Variants in OPCML observed in about 807,000 individuals in gnomAD.
OPCML encodes the protein opioid-binding protein/cell adhesion molecule.
OPCML carries 13 observed loss-of-function variants against 37.8 expected under a neutral mutation model. The observed-to-expected ratio is 0.34, with a 90% CI of 0.22 to 0.55. OPCML has a LOEUF of 0.55. Among genes scored for constraint, OPCML ranks in the 20% least tolerant of loss-of-function variants. The pLI is 0.91. For missense variants in OPCML, 341 were observed against 435.6 expected (o/e 0.78, Z 1.93); for synonymous variants, 176 against 168.8 (o/e 1.04, Z -0.33).
intron 1 of OPCML, among the ~76,000 whole-genome samples, chr11:133,267,093 A>G (rs1941684988): frequency 1.3e-5 from 2 of 152,304 alleles, no homozygotes; most frequent in Admixed American, 6.5e-5. Context: ...GCTGTTTAGT[A>G]TAACAGGAAG....
At chr11:132,945,730 A>C (rs1471562597) in intron 1 of OPCML, among the ~76,000 whole-genome samples, 3 of 150,612 alleles carry the variant, frequency 2.0e-5, no homozygotes, top group Admixed American at 2.0e-4. Context: ...CACGTTGTAC[A>C]GTTGTACAAA....
chr11:133,465,315 CT>C (rs770450628), intron 1 of OPCML, among the ~76,000 whole-genome samples: 5 of 152,156 alleles, frequency 3.3e-5, no homozygotes, highest in Non-Finnish European at 5.9e-5. Context: ...CCCAAGCGAT[CT>C]AGAGTAATCT....
At chr11:133,354,314 A>AGTG (rs1266771698) in intron 1 of OPCML, among the ~76,000 whole-genome samples, 1 of 8,554 alleles carries the variant, frequency 1.2e-4, no homozygotes, top group Non-Finnish European at 2.7e-4. Context: ...ACGTGTTGGT[A>AGTG]GTGGTGGTGG....
intron 1 of OPCML, among the ~76,000 whole-genome samples, chr11:133,464,492 T>C (rs924777056): frequency 2.6e-5 from 4 of 152,142 alleles, no homozygotes; most frequent in African/African-American, 9.7e-5. Flanking sequence ...CCTCATTGGA[T>C]GTGGAAGGCT....
chr11:133,119,937 G>A (rs866896945), intron 1 of OPCML, among the ~76,000 whole-genome samples: 6 of 152,110 alleles, frequency 3.9e-5, no homozygotes, highest in Admixed American at 1.3e-4. Context: ...GCAGATGCAG[G>A]CTCTTCCTGC....
intron 3 of OPCML, among the ~76,000 whole-genome samples, chr11:132,551,189 T>C (rs1040731031): frequency 1.3e-5 from 2 of 152,194 alleles, no homozygotes; most frequent in Admixed American, 6.5e-5. Flanking sequence ...AGAAGCTGTC[T>C]GTGCCCCGAT....
chr11:133,207,187 C>A (rs1939110059), intron 1 of OPCML, among the ~76,000 whole-genome samples: 1 of 151,056 alleles, frequency 6.6e-6, no homozygotes, highest in Middle Eastern at 3.5e-3. Flanking sequence ...GTTGTCCCAG[C>A]TACTCGGGAG....
At chr11:132,812,691 T>C (rs1353060839) in intron 2 of OPCML, among the ~76,000 whole-genome samples, 1 of 152,250 alleles carries the variant, frequency 6.6e-6, no homozygotes, top group East Asian at 1.9e-4. Flanking sequence ...TTGCCTGCTC[T>C]TTGGAACTAC....
intron 1 of OPCML, among the ~76,000 whole-genome samples, chr11:133,239,379 C>A (rs1403716287): frequency 6.6e-6 from 1 of 152,232 alleles, no homozygotes; most frequent in Admixed American, 6.5e-5. Flanking sequence ...TGGACCCCTA[C>A]CATTTTCTGT....
At chr11:132,839,686 C>G (rs1382951321) in intron 2 of OPCML, among the ~76,000 whole-genome samples, 3 of 152,182 alleles carry the variant, frequency 2.0e-5, no homozygotes, top group African/African-American at 7.2e-5. Context: ...CTTCCCTCCT[C>G]CCTCTCACTC....
intron 1 of OPCML, among the ~76,000 whole-genome samples, chr11:133,480,332 T>C (rs1947347516): frequency 6.6e-6 from 1 of 152,214 alleles, no homozygotes; most frequent in Non-Finnish European, 1.5e-5. Flanking sequence ...TTGCCTGCCT[T>C]GTCCTTGTTC....
At chr11:132,999,642 G>A (rs150832899) in intron 1 of OPCML, among the ~76,000 whole-genome samples, 2 of 152,060 alleles carry the variant, frequency 1.3e-5, no homozygotes, top group African/African-American at 2.4e-5. Context: ...GTAGCTCTGC[G>A]TGCTGCCACG....
At chr11:132,598,973 C>A (rs1044939451) in intron 3 of OPCML, among the ~76,000 whole-genome samples, 3 of 152,156 alleles carry the variant, frequency 2.0e-5, no homozygotes, top group Non-Finnish European at 4.4e-5. Flanking sequence ...CACTATTCAG[C>A]AGACAGAAAA....
At chr11:133,431,535 A>G (rs938556508) in intron 1 of OPCML, among the ~76,000 whole-genome samples, 1 of 152,028 alleles carries the variant, frequency 6.6e-6, no homozygotes, top group African/African-American at 2.4e-5. Context: ...GCGTGATCTC[A>G]GCTCACCGCA....
At chr11:132,991,801 C>T (rs1392804149) in intron 1 of OPCML, among the ~76,000 whole-genome samples, 1 of 152,130 alleles carries the variant, frequency 6.6e-6, no homozygotes, top group Non-Finnish European at 1.5e-5. Context: ...CCTGTTTTCC[C>T]TGCAGTTTAC....
chr11:133,207,119 T>TAAAAAAAAAAAA (rs71038525), intron 1 of OPCML, among the ~76,000 whole-genome samples: 1 of 99,686 alleles, frequency 1.0e-5, no homozygotes, highest in South Asian at 3.5e-4. Flanking sequence ...AACCCTCTAC[T>TAAAAAAAAAAAA]AAAAAAAAAA....
chr11:133,204,872 A>G (rs974224636), intron 1 of OPCML, among the ~76,000 whole-genome samples: 1,450 of 14,622 alleles, frequency 0.099, 25 homozygotes, highest in African/African-American at 0.34. Context: ...ATATGTGTAT[A>G]TATATATATA....
chr11:132,932,943 G>A (rs1031400188), intron 2 of OPCML, among the ~76,000 whole-genome samples: 13 of 151,956 alleles, frequency 8.6e-5, no homozygotes, highest in Non-Finnish European at 7.4e-5. Flanking sequence ...AAGTACCAGA[G>A]TTGGGATTCA....
chr11:132,908,947 C>G (rs1944333797), intron 2 of OPCML, among the ~76,000 whole-genome samples: 1 of 152,218 alleles, frequency 6.6e-6, no homozygotes, highest in Non-Finnish European at 1.5e-5. Flanking sequence ...GCTCCCTGCA[C>G]CAGAATCACA....
Sources: allele counts gnomAD v4.1 joint callset (sites outside exome capture counted in the v4.1 genomes callset), GRCh38; gene constraint gnomAD v4.1.1; transcripts MANE v1.5; gene names NCBI Gene and HGNC (gene_info 2026-07-23, HGNC 2026-07-21).